The following NRXN1 variants were observed in gnomAD, a reference collection of about 807,000 sequenced individuals.
NRXN1 encodes neurexin 1.
In NRXN1, 39 loss-of-function variants were observed where a neutral mutation model predicts 150.9. That is an observed-to-expected ratio of 0.26 (90% confidence interval 0.20 to 0.34). The LOEUF (loss-of-function observed/expected upper bound fraction) is 0.34, where lower values mean the gene tolerates loss of function less well. Ranked by LOEUF, NRXN1 falls within the 10% of genes least tolerant of loss-of-function variation. The pLI is 1.00. For synonymous variants in NRXN1, 924 were observed against 757.0 expected, an observed-to-expected ratio of 1.22 and a Z score of -3.62; for missense variants, 1,815 against 1,949.9, an observed-to-expected ratio of 0.93 and a Z score of 1.30.
intron 21 of NRXN1, among the ~76,000 whole-genome samples, chr2:49,947,600 A>G (rs1220579242): frequency 6.8e-6 from 1 of 147,504 alleles, no homozygotes; most frequent in Non-Finnish European, 1.5e-5. Flanking sequence ...GGCCTCAAGC[A>G]ATACTCCTAC....
rs200781129 is a variant in NRXN1, at chr2:51,027,658, C to G, written c.616G>C (p.Asp206His). 6 of 1,601,294 alleles carry G rather than the reference C, an allele frequency of 3.7e-6. No homozygotes were observed. In the East Asian group the frequency reaches 6.8e-5, roughly 18 times the overall value. ...PVDSGEVKLD[D>H]EPPNSGGGSP... ...CCCCCGCCGCTGTTGGGCGGCTCAT[C>G]GTCCAGCTTCACCTCGCCGCTGTCC... is the stretch of plus-strand genomic sequence containing the variant. The change falls in exon 2 of 23, where the codon GAT becomes CAT. Residue 206 changes from aspartate (D) to histidine (H), a missense_variant. By Grantham distance (81) the Asp-to-His change is moderately conservative. This residue lies in a region of NRXN1 where 554 missense variants were observed against 478.8 expected (regional missense o/e 1.16). Transcript: ENST00000401669.
intron 21 of NRXN1, among the ~76,000 whole-genome samples, chr2:50,031,795 C>T (rs1258598005): frequency 1.3e-5 from 2 of 151,984 alleles, no homozygotes; most frequent in Non-Finnish European, 2.9e-5. Flanking sequence ...GAAGTTAAAC[C>T]CTTTTAGTAA....
intron 5 of NRXN1, among the ~76,000 whole-genome samples, chr2:50,746,272 T>C (rs1463726008): frequency 2.0e-5 from 3 of 152,004 alleles, no homozygotes; most frequent in Non-Finnish European, 4.4e-5. Flanking sequence ...AATGAAAAGA[T>C]GAGGGATGGG....
chr2:49,950,505 G>C (rs931533104), intron 21 of NRXN1, among the ~76,000 whole-genome samples: 2 of 151,922 alleles, frequency 1.3e-5, no homozygotes, highest in Admixed American at 1.3e-4. Context: ...TTTCTGATAG[G>C]CATAAAATAT....
At chr2:50,042,808 A>C (rs1292229110) in intron 21 of NRXN1, among the ~76,000 whole-genome samples, 7 of 152,168 alleles carry the variant, frequency 4.6e-5, no homozygotes, top group Non-Finnish European at 8.8e-5. Flanking sequence ...CTATTCATCT[A>C]TCTTTTCCAA....
At chr2:50,182,211 T>C (rs544052321) in intron 18 of NRXN1, among the ~76,000 whole-genome samples, 1 of 151,580 alleles carries the variant, frequency 6.6e-6, no homozygotes, top group South Asian at 2.1e-4. Flanking sequence ...AAATCTAGAA[T>C]ATGGTAGACT....
chr2:50,860,301 C>T (rs1210965896), intron 5 of NRXN1, among the ~76,000 whole-genome samples: 1 of 151,838 alleles, frequency 6.6e-6, no homozygotes, highest in Non-Finnish European at 1.5e-5. Context: ...CTTTCTGGGT[C>T]TCTACTTGCT....
chr2:50,313,047 G>A (rs972971025), intron 17 of NRXN1, among the ~76,000 whole-genome samples: 6 of 151,972 alleles, frequency 3.9e-5, no homozygotes, highest in Non-Finnish European at 7.4e-5. Flanking sequence ...CATTATATAT[G>A]GGTAAATGCT....
intron 17 of NRXN1, among the ~76,000 whole-genome samples, chr2:50,443,675 T>C (rs2086160168): frequency 6.6e-6 from 1 of 152,158 alleles, no homozygotes; most frequent in Non-Finnish European, 1.5e-5. Context: ...TCCTTTAGAA[T>C]GACCAGTGAA....
chr2:51,001,234 T>TGGGGG (rs749646036), intron 2 of NRXN1, among the ~76,000 whole-genome samples: 8 of 13,484 alleles, frequency 5.9e-4, no homozygotes, highest in Non-Finnish European at 1.6e-3. Flanking sequence ...TTCATGGGGT[T>TGGGGG]GGGGGGGGGG....
At chr2:50,905,474 CTA>C (rs748350759) in intron 5 of NRXN1, among the ~76,000 whole-genome samples, 1 of 152,124 alleles carries the variant, frequency 6.6e-6, no homozygotes, top group Non-Finnish European at 1.5e-5. Flanking sequence ...TTAAAAATAA[CTA>C]CATCTATGAA....
rs772166187 is a variant in NRXN1, at chr2:49,973,927, T to C, written c.4129-30136A>G. The C allele has an allele frequency of 2.2e-5, 16 of 714,090 alleles. No homozygotes were observed. The South Asian group carries it at 2.4e-4, about 11-fold the overall frequency. The allele number at this position is 714,090 out of a possible 1,614,324, so 44.2% of individuals were successfully genotyped here. A position where few individuals can be genotyped will look rare whatever the true frequency, so the allele number is the denominator to read the frequency against. The stretch of plus-strand genomic sequence containing the variant: ...TATCTTAAACCCTGCATGCTGCAGA[T>C]CTAAGCTGTGCTCAGCAGCGGCTGT... On this transcript the variant is annotated intron_variant, in intron 21 of 22. Transcript: ENST00000401669.
intron 6 of NRXN1, among the ~76,000 whole-genome samples, chr2:50,622,110 T>A (rs1209037320): frequency 6.6e-6 from 1 of 152,150 alleles, no homozygotes; most frequent in Admixed American, 6.6e-5. Flanking sequence ...TCTACAGTTA[T>A]ACTGATGGTG....
At chr2:50,007,782 G>A (rs541549685) in intron 21 of NRXN1, among the ~76,000 whole-genome samples, 1 of 152,132 alleles carries the variant, frequency 6.6e-6, no homozygotes, top group African/African-American at 2.4e-5. Flanking sequence ...GGTATTTCTG[G>A]TTCTAGATCC....
At chr2:50,819,054 G>A (rs1474166614) in intron 5 of NRXN1, among the ~76,000 whole-genome samples, 2 of 152,104 alleles carry the variant, frequency 1.3e-5, no homozygotes, top group African/African-American at 4.8e-5. Context: ...GAAGACATTG[G>A]AACCCTTGTG....
intron 21 of NRXN1, among the ~76,000 whole-genome samples, chr2:49,945,993 C>T (rs1383084780): frequency 2.0e-5 from 3 of 152,164 alleles, no homozygotes; most frequent in Non-Finnish European, 4.4e-5. Context: ...AACTAATTTA[C>T]ACTCCCACCA....
chr2:50,476,230 C>T (rs115743955), intron 15 of NRXN1, among the ~76,000 whole-genome samples: 18 of 152,124 alleles, frequency 1.2e-4, no homozygotes, highest in Non-Finnish European at 2.5e-4. Flanking sequence ...ACTGTATATA[C>T]ACAGCCACTA....
intron 5 of NRXN1, among the ~76,000 whole-genome samples, chr2:50,654,324 C>A (rs1445383992): frequency 6.6e-6 from 1 of 151,216 alleles, no homozygotes; most frequent in Non-Finnish European, 1.5e-5. Context: ...ATGATGGTTT[C>A]CAGCTTCATC....
intron 17 of NRXN1, among the ~76,000 whole-genome samples, chr2:50,397,252 T>C (rs573482280): frequency 6.6e-6 from 1 of 152,056 alleles, no homozygotes; most frequent in Admixed American, 6.6e-5. Flanking sequence ...GCTATTAGAG[T>C]GGCGATCAGT....
Sources: gnomAD v4.1 joint callset for allele counts (sites outside exome capture counted in the v4.1 genomes callset) on GRCh38, gnomAD v4.1.1 for gene constraint, gnomAD v4.1.1 regional missense constraint, MANE v1.5 for transcripts, NCBI Gene and HGNC (gene_info 2026-07-23, HGNC 2026-07-21) for gene names.